Variants in CATSPERB observed in about 807,000 individuals in gnomAD.
The protein encoded by CATSPERB is catsper channel auxiliary subunit beta, also known as cation channel sperm-associated auxiliary subunit beta.
CATSPERB carries 93 observed loss-of-function variants against 128.3 expected under a neutral mutation model. The ratio of observed to expected loss-of-function variants is 0.72; its 90% confidence interval spans 0.61 to 0.86. The LOEUF (loss-of-function observed/expected upper bound fraction) is 0.86. CATSPERB is among the 40% of genes least tolerant of loss of function. CATSPERB has a pLI of 0.00. For synonymous variants in CATSPERB, 381 were observed against 448.8 expected (o/e 0.85, Z 1.91); for missense variants, 1,153 against 1,329.5 (o/e 0.87, Z 2.06).
Position 91,723,048 on chromosome 14 carries a change from C to A in CATSPERB, c.309+1G>T. ...CACAGAGTAAGATAAAATGTAATTA[C>A]CAACGTTAAATTAAAGTGGAAGATG... On this transcript the variant is annotated splice_donor_variant, in intron 4 of 26. Transcript: ENST00000256343. LOFTEE classifies it high-confidence loss of function. 1 of 1,496,320 alleles carries A rather than the reference C, an allele frequency of 6.7e-7. No individual in the cohort carries two copies. Among genetic ancestry groups the A allele is most frequent in the Non-Finnish European group, 8.9e-7 (1 of 1,124,664 alleles). The allele number at this position is 1,496,320 out of a possible 1,614,324, so 92.7% of individuals were successfully genotyped here. A position where few individuals can be genotyped will look rare whatever the true frequency, so the allele number is the denominator to read the frequency against.
intron 22 of CATSPERB, among the ~76,000 whole-genome samples, chr14:91,599,431 C>T (rs934650132): frequency 4.7e-5 from 7 of 149,440 alleles, no homozygotes; most frequent in Non-Finnish European, 7.4e-5. Context: ...TGGTGGCGGG[C>T]GCCTGTAGTC....
chr14:91,689,843 C>T (rs927278446), intron 10 of CATSPERB, among the ~76,000 whole-genome samples: 1 of 152,102 alleles, frequency 6.6e-6, no homozygotes, highest in Non-Finnish European at 1.5e-5. Flanking sequence ...AAATTCTTAA[C>T]TTATTCCCCA....
At chr14:91,726,912 C>A (rs1896127962) in intron 2 of CATSPERB, among the ~76,000 whole-genome samples, 1 of 152,076 alleles carries the variant, frequency 6.6e-6, no homozygotes, top group Non-Finnish European at 1.5e-5. Context: ...GTTGATGAGA[C>A]AATGAAAAGG....
chr14:91,625,062 C>A, intron 17 of CATSPERB, 55 bp from the exon 18 acceptor site: 2 of 1,021,544 alleles, frequency 2.0e-6, no homozygotes, highest in Admixed American at 3.1e-5. Flanking sequence ...ATTAAATGAA[C>A]CAATTTATGA....
At chr14:91,700,280 G>A (rs1311277050) in intron 7 of CATSPERB, among the ~76,000 whole-genome samples, 2 of 152,132 alleles carry the variant, frequency 1.3e-5, no homozygotes, top group Non-Finnish European at 2.9e-5. Flanking sequence ...TTTTATGACT[G>A]CATAGTAATA....
At chr14:91,708,304 T>A in intron 5 of CATSPERB, 68 bp from the exon 6 acceptor site, 1 of 972,904 alleles carries the variant, frequency 1.0e-6, no homozygotes, top group Non-Finnish European at 1.6e-6. Context: ...AATTTAAGGA[T>A]ATGTGAACAT....
rs1425986045 is a variant in CATSPERB at position 91,719,489 on chromosome 14, G to A, written c.310-11C>T. The A allele has an allele frequency of 1.2e-6, 2 of 1,601,556 alleles. No homozygotes were observed. Among genetic ancestry groups the A allele is most frequent in the Non-Finnish European group, 1.7e-6 (2 of 1,171,202 alleles). On this transcript the variant is annotated splice_polypyrimidine_tract_variant and intron_variant, in intron 4 of 26. Coordinates refer to ENST00000256343, the MANE Select transcript of CATSPERB (RefSeq NM_024764.4). ...AATCCGATCACTGAACTTGAATAAAGAAGACATCAGAAAACAATGTTTTAC... is the reference window on the plus strand; with the variant it reads ...AATCCGATCACTGAACTTGAATAAAAAAGACATCAGAAAACAATGTTTTAC...
intron 6 of CATSPERB, among the ~76,000 whole-genome samples, chr14:91,707,532 T>C (rs1895752840): frequency 6.6e-6 from 1 of 151,110 alleles, no homozygotes; most frequent in South Asian, 2.1e-4. Flanking sequence ...TAAGCCATTG[T>C]TTATAATGAC....
intron 10 of CATSPERB, among the ~76,000 whole-genome samples, chr14:91,688,891 G>A (rs775091924): frequency 4.0e-5 from 6 of 150,978 alleles, no homozygotes; most frequent in East Asian, 2.0e-4. Context: ...AAATGTTCTC[G>A]TTCAATTGTT....
At chr14:91,586,419 GTTTC>G (rs1018884380) in intron 26 of CATSPERB, among the ~76,000 whole-genome samples, 3 of 152,036 alleles carry the variant, frequency 2.0e-5, no homozygotes, top group African/African-American at 7.3e-5. Context: ...TCTTTTCCTA[GTTTC>G]TTTATCTAGT....
At chr14:91,664,621 AGTTT>A (rs1446765090) in intron 14 of CATSPERB, among the ~76,000 whole-genome samples, 1 of 152,050 alleles carries the variant, frequency 6.6e-6, no homozygotes, top group Non-Finnish European at 1.5e-5. Flanking sequence ...GGATATACCA[AGTTT>A]ATTTGTCCAT....
At chr14:91,681,665 C>G (rs1189592751) in intron 11 of CATSPERB, among the ~76,000 whole-genome samples, 3 of 152,174 alleles carry the variant, frequency 2.0e-5, no homozygotes, top group Non-Finnish European at 4.4e-5. Flanking sequence ...GGTCCTCATA[C>G]CCTAGGGGCA....
chr14:91,709,961 C>G (rs1895809198), intron 5 of CATSPERB: 1 of 152,496 alleles, frequency 6.6e-6, no homozygotes, highest in Non-Finnish European at 1.5e-5. Flanking sequence ...CCTGCTCATT[C>G]TAAACACAGA....
intron 22 of CATSPERB, chr14:91,604,631 G>A (rs1566700143): frequency 2.5e-6 from 4 of 1,611,454 alleles, no homozygotes; most frequent in Admixed American, 1.7e-5. Context: ...ATTGTTCCAG[G>A]ACTGGGTGCA....
rs544242981 is a variant in CATSPERB at position 91,610,749 on chromosome 14, C to A, written c.2401-72G>T. On this transcript the variant is annotated intron_variant, in intron 20 of 26. Coordinates refer to ENST00000256343, the MANE Select transcript of CATSPERB (RefSeq NM_024764.4). The stretch of plus-strand genomic sequence containing the variant: ...GACTGAACTGTGTCCAACCAAAAAT[C>A]ACATGTTGAAACCCCAACCTCCAGT... The A allele has an allele frequency of 5.5e-5, 79 of 1,430,440 alleles. No individual in the cohort carries two copies. In the Middle Eastern group the frequency reaches 1.1e-3, roughly 19 times the overall value. 88.6% of individuals were successfully genotyped at this position (1,430,440 alleles called of 1,614,324 possible). A position where few individuals can be genotyped will look rare whatever the true frequency, so the allele number is the denominator to read the frequency against.
rs940885008 is a variant in CATSPERB, at chr14:91,700,792, G to A, written c.616+3760C>T. Among the ~76,000 whole-genome samples the A allele has an allele frequency of 2.6e-5, 4 of 151,980 alleles. No individual in the cohort carries two copies. The East Asian group carries it at 7.7e-4, about 29-fold the overall frequency. On this transcript the variant is annotated intron_variant, in intron 7 of 26. Transcript: ENST00000256343. ...GCTACTCACAGACCTGAAGTATGGC[G>A]ACAATAGACACTGGGGACTACTAGC...
intron 22 of CATSPERB, among the ~76,000 whole-genome samples, chr14:91,596,891 T>A (rs1893515399): frequency 6.8e-6 from 1 of 147,330 alleles, no homozygotes; most frequent in Non-Finnish European, 1.5e-5. Flanking sequence ...AAGACATAAT[T>A]TTTTTTTTTT....
chr14:91,634,667 CAT>C (rs768371340), intron 17 of CATSPERB, among the ~76,000 whole-genome samples: 726 of 10,194 alleles, frequency 0.071, 20 homozygotes, highest in Middle Eastern at 0.23. Context: ...TATATATATA[CAT>C]ACACACACAC....
At chr14:91,662,461 A>AG (rs1894903353) in intron 14 of CATSPERB, among the ~76,000 whole-genome samples, 1 of 152,230 alleles carries the variant, frequency 6.6e-6, no homozygotes, top group African/African-American at 2.4e-5. Flanking sequence ...TCCTATTCAT[A>AG]GACATCTGGA....
Sources: allele counts gnomAD v4.1 joint callset (sites outside exome capture counted in the v4.1 genomes callset), GRCh38; gene constraint gnomAD v4.1.1; transcripts MANE v1.5; gene names NCBI Gene and HGNC (gene_info 2026-07-23, HGNC 2026-07-21).